The following ROBO1 variants were observed in gnomAD, a reference collection of about 807,000 sequenced individuals.
The protein encoded by ROBO1 is roundabout guidance receptor 1.
A neutral mutation model predicts 195.9 loss-of-function variants in ROBO1; 149 were observed. The ratio of observed to expected loss-of-function variants is 0.76; its 90% CI spans 0.67 to 0.87. ROBO1 has a LOEUF of 0.87. Among genes scored for constraint, ROBO1 ranks in the 40% least tolerant of loss-of-function variants. The pLI is 0.00. For synonymous variants in ROBO1, 816 were observed against 733.2 expected, an observed-to-expected ratio of 1.11 and a Z score of -1.82; for missense variants, 1,933 against 2,068.3, an observed-to-expected ratio of 0.93 and a Z score of 1.27.
intron 2 of ROBO1, among the ~76,000 whole-genome samples, chr3:79,369,931 T>C (rs1310012097): frequency 1.3e-5 from 2 of 152,192 alleles, no homozygotes; most frequent in Non-Finnish European, 1.5e-5. Flanking sequence ...AAGAGAAACA[T>C]TTTAAGACCT....
intron 2 of ROBO1, among the ~76,000 whole-genome samples, chr3:79,433,941 C>T (rs1225273831): frequency 1.3e-5 from 2 of 151,522 alleles, no homozygotes; most frequent in African/African-American, 4.8e-5. Flanking sequence ...ACCATCTGAT[C>T]TTTGACAAAA....
At chr3:79,193,258 A>C (rs1367297682) in intron 2 of ROBO1, among the ~76,000 whole-genome samples, 1 of 151,704 alleles carries the variant, frequency 6.6e-6, no homozygotes, top group Non-Finnish European at 1.5e-5. Flanking sequence ...GGTTGGATAC[A>C]AAAGTTTGTG....
At chr3:78,978,064 C>CT (rs1346423646) in intron 3 of ROBO1, among the ~76,000 whole-genome samples, 1 of 151,988 alleles carries the variant, frequency 6.6e-6, no homozygotes, top group Admixed American at 6.6e-5. Flanking sequence ...TATTTTTGCT[C>CT]TTTTTTCAAA....
At chr3:78,774,872 G>C (rs2083466113) in intron 4 of ROBO1, among the ~76,000 whole-genome samples, 1 of 152,086 alleles carries the variant, frequency 6.6e-6, no homozygotes, top group South Asian at 2.1e-4. Context: ...AACATATTCA[G>C]TATTTTTCCT....
At chr3:78,866,125 G>A (rs1235574063) in intron 4 of ROBO1, among the ~76,000 whole-genome samples, 1 of 152,036 alleles carries the variant, frequency 6.6e-6, no homozygotes, top group East Asian at 1.9e-4. Flanking sequence ...TATTTTCTTT[G>A]TATTTTATAT....
At chr3:79,345,608 G>A (rs943544991) in intron 2 of ROBO1, among the ~76,000 whole-genome samples, 2 of 152,124 alleles carry the variant, frequency 1.3e-5, no homozygotes, top group Non-Finnish European at 2.9e-5. Context: ...AATAGGAAAA[G>A]AGATAAAGAC....
chr3:79,014,395 C>T (rs1324618314), intron 3 of ROBO1, among the ~76,000 whole-genome samples: 2 of 152,110 alleles, frequency 1.3e-5, no homozygotes, highest in Non-Finnish European at 2.9e-5. Context: ...ATCACGTGAA[C>T]CCAGGAGGCA....
chr3:79,223,130 G>T (rs1200593300), intron 2 of ROBO1, among the ~76,000 whole-genome samples: 2 of 152,086 alleles, frequency 1.3e-5, no homozygotes, highest in Non-Finnish European at 2.9e-5. Context: ...GCTCAATTTT[G>T]CTCAAAAGCC....
rs35349329 is a variant in ROBO1, at chr3:78,770,911, T to TA, written c.500-24012dup. ...AAGACCTTGTCTCTATAAATAATAATAAAAAAAATAGCTGGGAATGTTGCT... is the reference window on the plus strand; with the variant it reads ...AAGACCTTGTCTCTATAAATAATAATAAAAAAAAATAGCTGGGAATGTTGCT... On this transcript the variant is annotated intron_variant, in intron 4 of 30. Coordinates refer to ENST00000464233, the MANE Select transcript of ROBO1 (RefSeq NM_002941.4). Among the ~76,000 whole-genome samples, 12 of 151,564 alleles carry TA rather than the reference T, an allele frequency of 7.9e-5. No homozygotes were observed. The East Asian group carries it at 9.7e-4, about 12-fold the overall frequency.
At chr3:78,884,853 T>G (rs1217826167) in intron 4 of ROBO1, among the ~76,000 whole-genome samples, 2 of 133,644 alleles carry the variant, frequency 1.5e-5, no homozygotes, top group African/African-American at 2.9e-5. Flanking sequence ...TCTCTCTCTC[T>G]CTCTCTCTCT....
At position 78,830,200 on chromosome 3, in the gene ROBO1, G is replaced by A. The variant is rs2032028712; in HGVS notation, c.500-83300C>T. ...TCTGCCTCTTGGTCTCTGTTAAATTGTTAAAAGGTTCACCCCTACATTTCT... is the reference window on the plus strand; with the variant it reads ...TCTGCCTCTTGGTCTCTGTTAAATTATTAAAAGGTTCACCCCTACATTTCT... On this transcript the variant is annotated intron_variant, in intron 4 of 30. Transcript: ENST00000464233. 3.3e-5 allele frequency among the ~76,000 whole-genome samples: 5 copies of A among 152,196 alleles called. No individual in the cohort carries two copies. In the South Asian group the frequency reaches 1.0e-3, roughly 32 times the overall value.
intron 3 of ROBO1, among the ~76,000 whole-genome samples, chr3:78,953,789 A>G (rs1219045542): frequency 2.6e-5 from 4 of 151,032 alleles, no homozygotes; most frequent in Non-Finnish European, 5.9e-5. Flanking sequence ...TCTGAATATT[A>G]GTTTCTCCAT....
chr3:78,662,634 G>A (rs7613490), intron 14 of ROBO1, among the ~76,000 whole-genome samples: 42,762 of 152,054 alleles, frequency 0.28, 6,584 homozygotes, highest in African/African-American at 0.42. Context: ...ATTTTCTCAT[G>A]GAAGGTATAT....
At chr3:79,294,986 T>C (rs902997494) in intron 2 of ROBO1, among the ~76,000 whole-genome samples, 1 of 152,158 alleles carries the variant, frequency 6.6e-6, no homozygotes, top group Admixed American at 6.5e-5. Context: ...AGGAACGTTT[T>C]TACACTGTTG....
At chr3:79,360,649 T>G (rs775734495) in intron 2 of ROBO1, among the ~76,000 whole-genome samples, 1 of 151,972 alleles carries the variant, frequency 6.6e-6, no homozygotes, top group Non-Finnish European at 1.5e-5. Context: ...GTCACTTTGT[T>G]TCTTAGAACA....
chr3:79,367,800 A>C (rs1468992069), intron 2 of ROBO1, among the ~76,000 whole-genome samples: 1 of 152,234 alleles, frequency 6.6e-6, no homozygotes, highest in East Asian at 1.9e-4. Context: ...CGAGTTTCGT[A>C]GCTTAATATC....
intron 4 of ROBO1, among the ~76,000 whole-genome samples, chr3:78,829,118 A>C (rs1301715871): frequency 6.6e-6 from 1 of 152,184 alleles, no homozygotes; most frequent in East Asian, 1.9e-4. Flanking sequence ...TTAGTCATGT[A>C]ATAAAAACAT....
In ROBO1 at chr3:79,665,552, C is replaced by T. The variant is rs572125763; in HGVS notation, c.-50-75591G>A. Reference sequence around the variant, plus strand: ...CAATACCAAATTGTAATTCAATAGCCGTGAGGTCTTGTAATGTAAATCAGT... The same window carrying T: ...CAATACCAAATTGTAATTCAATAGCTGTGAGGTCTTGTAATGTAAATCAGT... On this transcript the variant is annotated intron_variant, in intron 1 of 30. Coordinates refer to ENST00000464233, the MANE Select transcript of ROBO1 (RefSeq NM_002941.4). 5.3e-5 allele frequency among the ~76,000 whole-genome samples: 8 copies of T among 151,656 alleles called. No individual in the cohort carries two copies. In the South Asian group the frequency reaches 6.3e-4, roughly 12 times the overall value.
chr3:78,933,581 C>T (rs2039648323), intron 4 of ROBO1, among the ~76,000 whole-genome samples: 1 of 151,952 alleles, frequency 6.6e-6, no homozygotes, highest in South Asian at 2.1e-4. Flanking sequence ...TCATTATTTT[C>T]TGATTTTTAT....
Sources: gnomAD v4.1 joint callset for allele counts (sites outside exome capture counted in the v4.1 genomes callset) on GRCh38, gnomAD v4.1.1 for gene constraint, MANE v1.5 for transcripts, NCBI Gene and HGNC (gene_info 2026-07-23, HGNC 2026-07-21) for gene names.